Variants in TJP2 observed in about 807,000 individuals in gnomAD.
TJP2 encodes tight junction protein 2, also known as Friedreich ataxia region gene X104 (tight junction protein ZO-2).
A neutral mutation model predicts 133.1 loss-of-function variants in TJP2; 91 were observed. The observed-to-expected ratio is 0.68, with a 90% CI of 0.58 to 0.81. TJP2 has a LOEUF of 0.81. Ranked by LOEUF, TJP2 falls within the 40% of genes least tolerant of loss-of-function variation. TJP2 has a pLI of 0.00. For missense variants in TJP2, 1,541 were observed against 1,565.6 expected (o/e 0.98, Z 0.26); for synonymous variants, 592 against 583.4 (o/e 1.01, Z -0.21).
At chr9:69,123,208 C>CTAGTTGGTGTGTGATTTTGGTTT (rs1451615587) in intron 1 of TJP2, among the ~76,000 whole-genome samples, 1 of 102,042 alleles carries the variant, frequency 9.8e-6, no homozygotes, top group Admixed American at 1.1e-4. Flanking sequence ...CACCAGGACA[C>CTAGTTGGTGTGTGATTTTGGTTT]TCTACAGCCG....
intron 2 of TJP2, among the ~76,000 whole-genome samples, chr9:69,214,686 G>A (rs1351554052): frequency 6.6e-6 from 1 of 151,946 alleles, no homozygotes; most frequent in Non-Finnish European, 1.5e-5. Flanking sequence ...GGCCAACATG[G>A]TGAAACCCTC....
At chr9:69,199,495 A>G (rs1319185681) in intron 1 of TJP2, among the ~76,000 whole-genome samples, 1 of 152,006 alleles carries the variant, frequency 6.6e-6, no homozygotes, top group Non-Finnish European at 1.5e-5. Context: ...GTGCCACTGC[A>G]CTCCAGCCTG....
At chr9:69,212,351 C>A (rs1259592747) in intron 1 of TJP2, among the ~76,000 whole-genome samples, 197 bp from the exon 2 acceptor site, 1 of 152,192 alleles carries the variant, frequency 6.6e-6, no homozygotes, top group Non-Finnish European at 1.5e-5. Flanking sequence ...ACTTACCTTT[C>A]AAGTATTGTT....
chr9:69,163,029 TA>T (rs57162015), intron 2 of TJP2, among the ~76,000 whole-genome samples: 2,223 of 33,770 alleles, frequency 0.066, 653 homozygotes, highest in Non-Finnish European at 0.093. Context: ...TATTTTATTT[TA>T]TTTTTTTTTT....
At chr9:69,228,243 A>C in intron 9 of TJP2, 129 bp downstream of exon 9, 10 of 1,173,808 alleles carry the variant, frequency 8.5e-6, no homozygotes, top group Non-Finnish European at 1.1e-5. Flanking sequence ...ATCCTAAGCT[A>C]ATTAACATGG....
chr9:69,122,243 T>G (rs1822177308), intron 1 of TJP2: 1 of 152,302 alleles, frequency 6.6e-6, no homozygotes, highest in Admixed American at 6.5e-5. Flanking sequence ...GCCAACTGCA[T>G]CGGGTGGGGG....
chr9:69,213,250 A>G (rs1828078163), intron 2 of TJP2, among the ~76,000 whole-genome samples: 2 of 151,946 alleles, frequency 1.3e-5, no homozygotes, highest in Admixed American at 1.3e-4. Context: ...TTTAATAGAG[A>G]CGGGGTTTCT....
chr9:69,157,299 C>T (rs1019298027), intron 2 of TJP2, among the ~76,000 whole-genome samples: 1 of 152,178 alleles, frequency 6.6e-6, no homozygotes, highest in African/African-American at 2.4e-5. Flanking sequence ...TCTTATTTCT[C>T]ATACCCATCC....
rs1026749672 is a variant in TJP2, at chr9:69,163,320, C to A, written c.-10+11549C>A. On this transcript the variant is annotated intron_variant, in intron 2 of 5. Coordinates refer to the TJP2 transcript ENST00000423935. ...GGGATTACAGGCGTGAGCCACCGCG[C>A]CCGGCCTCAGTATCTTTATTTTAAA... Among the ~76,000 whole-genome samples the A allele has an allele frequency of 1.1e-4, 5 of 43,544 alleles. 2 individuals are homozygous for A. The highest frequency in any genetic ancestry group is 2.2e-4 in the Non-Finnish European group (5 of 22,230). The allele number at this position is 43,544 out of a possible 152,430, so 28.6% of individuals were successfully genotyped here. A position where few individuals can be genotyped will look rare whatever the true frequency, so the allele number is the denominator to read the frequency against.
chr9:69,200,374 C>T (rs999635802), intron 1 of TJP2, among the ~76,000 whole-genome samples: 3 of 137,964 alleles, frequency 2.2e-5, no homozygotes, highest in Non-Finnish European at 4.8e-5. Flanking sequence ...ATCAATTACA[C>T]TGTTTTGTGG....
At position 69,221,462 on chromosome 9, in the gene TJP2, C is replaced by CG; in HGVS notation, c.922dup (p.Val308GlyfsTer33). ...AGCCTAGGGGGCGGCCGGGGCCCAT[C>CG]GGGGTCCTCCTGATGAAAAGCAGAG... On this transcript the variant is annotated frameshift_variant, in exon 5 of 23. Coordinates refer to ENST00000377245, the MANE Select transcript of TJP2 (RefSeq NM_004817.4). LOFTEE classifies it high-confidence loss of function. 1 of 1,598,438 alleles carries CG rather than the reference C, an allele frequency of 6.3e-7. No homozygotes were observed. The highest frequency in any genetic ancestry group is 8.5e-7 in the Non-Finnish European group (1 of 1,172,324).
Position 69,147,679 on chromosome 9 carries a change from T to C in TJP2, c.-130-3972T>C, listed in dbSNP as rs558716637. ...AACCTCTACTAGCAATTGGAATAAG[T>C]ACCCTAAATAGACCTAAATAGATCT... is the stretch of plus-strand genomic sequence containing the variant. On this transcript the variant is annotated intron_variant, in intron 1 of 5. Transcript: ENST00000423935. 8.7e-4 allele frequency among the ~76,000 whole-genome samples: 133 copies of C among 152,288 alleles called. 2 individuals carry two copies. Among genetic ancestry groups the C allele is most frequent in the African/African-American group, 3.1e-3 (127 of 41,584 alleles).
At chr9:69,159,746 C>T (rs13301509) in intron 2 of TJP2, among the ~76,000 whole-genome samples, 2,938 of 151,686 alleles carry the variant, frequency 0.019, 38 homozygotes, top group Non-Finnish European at 0.032. Context: ...GGTGGTGGAA[C>T]GCGCCTGTAG....
intron 1 of TJP2, among the ~76,000 whole-genome samples, chr9:69,138,824 G>A (rs1822889467): frequency 6.6e-6 from 1 of 152,224 alleles, no homozygotes; most frequent in Non-Finnish European, 1.5e-5. Context: ...GACTGAGGCA[G>A]GAGAATTGCT....
chr9:69,249,577 A>C (rs1417973592), intron 20 of TJP2, 92 bp downstream of exon 20: 9 of 1,547,000 alleles, frequency 5.8e-6, no homozygotes, highest in Non-Finnish European at 7.9e-6. Context: ...GCACACTGAG[A>C]TGGTGTTTAA....
intron 17 of TJP2, among the ~76,000 whole-genome samples, chr9:69,242,956 T>TG (rs1830671498): frequency 1.3e-5 from 2 of 152,222 alleles, no homozygotes; most frequent in African/African-American, 4.8e-5. Flanking sequence ...CTCTGCTTCC[T>TG]GGGCTCAAGG....
chr9:69,169,059 G>A (rs1165508881), intron 2 of TJP2, among the ~76,000 whole-genome samples: 1 of 151,976 alleles, frequency 6.6e-6, no homozygotes, highest in African/African-American at 2.4e-5. Flanking sequence ...AGGACACAAG[G>A]CCTTTACTGA....
rs953972471 is a variant in TJP2, at chr9:69,205,370, T to G, written c.61-7178T>G. 3.4e-6 allele frequency: 5 copies of G among 1,486,024 alleles called. No individual in the cohort carries two copies. In the African/African-American group the frequency reaches 5.6e-5, roughly 17 times the overall value. The allele number at this position is 1,486,024 out of a possible 1,614,324, so 92.1% of individuals were successfully genotyped here. On this transcript the variant is annotated intron_variant, in intron 1 of 22. Coordinates refer to ENST00000377245, the MANE Select transcript of TJP2 (RefSeq NM_004817.4). Reference sequence around the variant, plus strand: ...CTTCTGGCATCTTTCAGCAACAAATTGTGAGATTGTAGGTTGTAGTCACTG... The same window carrying G: ...CTTCTGGCATCTTTCAGCAACAAATGGTGAGATTGTAGGTTGTAGTCACTG...
chr9:69,173,360 C>T (rs1824793687), upstream of TJP2, among the ~76,000 whole-genome samples: 2 of 152,168 alleles, frequency 1.3e-5, no homozygotes, highest in African/African-American at 4.8e-5. Context: ...AATAAAGACA[C>T]TTAACGTCAC....
Sources: allele counts gnomAD v4.1 joint callset (sites outside exome capture counted in the v4.1 genomes callset), GRCh38; gene constraint gnomAD v4.1.1; transcripts MANE v1.5; gene names NCBI Gene and HGNC (gene_info 2026-07-23, HGNC 2026-07-21).